ACSM6: variants seen among roughly 807,000 people sequenced by gnomAD.
ACSM6 encodes the protein acyl-CoA synthetase medium chain family member 6, also known as acyl-coenzyme A synthetase ACSM6, mitochondrial.
ACSM6 carries 35 observed loss-of-function variants against 51.1 expected under a neutral mutation model. That is an observed-to-expected ratio of 0.69 (90% confidence interval 0.52 to 0.91). The LOEUF (loss-of-function observed/expected upper bound fraction) is 0.91. Among genes scored for constraint, ACSM6 ranks in the 40% least tolerant of loss-of-function variants. ACSM6 has a pLI of 0.00. For missense variants in ACSM6, 509 were observed against 584.1 expected, an observed-to-expected ratio of 0.87 and a Z score of 1.32; for synonymous variants, 172 against 207.3, an observed-to-expected ratio of 0.83 and a Z score of 1.46.
chr10:95,194,722 G>A (rs592055), intron 2 of ACSM6, 45 bp downstream of exon 2: 796,852 of 1,494,832 alleles, frequency 0.53, 219,916 homozygotes, highest in Middle Eastern at 0.63. Context: ...GCCAAGGCCA[G>A]TTGGTAAAGC....
In ACSM6 at chr10:95,209,938, A is replaced by G. The variant is rs909602684; in HGVS notation, c.612-712A>G. Among the ~76,000 whole-genome samples the G allele has an allele frequency of 2.0e-5, 3 of 152,166 alleles. No homozygotes were observed. The South Asian group carries it at 6.2e-4, about 31-fold the overall frequency. ...ACTGGGCTGACAGGTAAGGTGAGTC[A>G]TGCAAGTGCCTATCTGGATTATAGG... is the stretch of plus-strand genomic sequence containing the variant. On this transcript the variant is annotated intron_variant, in intron 4 of 10. Transcript: ENST00000341686.
chr10:95,202,265 T>C (rs2034802305), intron 3 of ACSM6, 70 bp downstream of exon 3: 1 of 1,315,256 alleles, frequency 7.6e-7, no homozygotes. Flanking sequence ...ATTCACAGAA[T>C]GGAGATGTTA....
chr10:95,225,484 T>A, intron 10 of ACSM6, 93 bp downstream of exon 10: 1 of 941,366 alleles, frequency 1.1e-6, no homozygotes, highest in Non-Finnish European at 1.5e-6. Flanking sequence ...GCCAAATACT[T>A]TTGTCCCAAT....
intron 9 of ACSM6, among the ~76,000 whole-genome samples, chr10:95,223,989 T>C (rs748930474): frequency 2.6e-5 from 4 of 152,192 alleles, no homozygotes; most frequent in Non-Finnish European, 5.9e-5. Flanking sequence ...TTATTAATAG[T>C]ATTTCTACAT....
At chr10:95,209,989 C>T (rs1188277492) in intron 4 of ACSM6, among the ~76,000 whole-genome samples, 2 of 152,056 alleles carry the variant, frequency 1.3e-5, no homozygotes, top group East Asian at 1.9e-4. Flanking sequence ...ATCTTGAAGC[C>T]GGCCTGAATC....
intron 3 of ACSM6, among the ~76,000 whole-genome samples, chr10:95,204,953 A>G (rs1455349380): frequency 6.6e-6 from 1 of 152,186 alleles, no homozygotes; most frequent in Non-Finnish European, 1.5e-5. Flanking sequence ...TCCCTTCTCC[A>G]TATATGTGAG....
intron 3 of ACSM6, 141 bp from the exon 4 acceptor site, chr10:95,207,067 C>T (rs1278845940): frequency 4.2e-6 from 3 of 718,460 alleles, no homozygotes; most frequent in Non-Finnish European, 4.6e-6. Flanking sequence ...CAGTCGCCAT[C>T]GTGTTACTGA....
intron 3 of ACSM6, among the ~76,000 whole-genome samples, chr10:95,202,818 T>C (rs1166558613): frequency 1.3e-5 from 2 of 151,528 alleles, no homozygotes; most frequent in Non-Finnish European, 2.9e-5. Flanking sequence ...CACACACCTG[T>C]AGTCCAGCTA....
At chr10:95,211,159 T>C (rs911363386) in intron 5 of ACSM6, among the ~76,000 whole-genome samples, 16 of 152,324 alleles carry the variant, frequency 1.1e-4, no homozygotes, top group African/African-American at 3.1e-4. Context: ...AGAGTCATAA[T>C]TGATAAGGGG....
rs977351241 is a variant in ACSM6 at position 95,215,029 on chromosome 10, G to A, written c.1119+54G>A. 9.1e-6 allele frequency: 14 copies of A among 1,543,416 alleles called. No individual in the cohort carries two copies. The African/African-American group carries it at 1.2e-4, about 14-fold the overall frequency. ...CAGAAACCAAACTTGCCCATTCACT[G>A]TGTAAGCACACTGTCAAAGCACTAA... On this transcript the variant is annotated intron_variant, in intron 8 of 10. Transcript: ENST00000341686.
In ACSM6 at chr10:95,224,007, A is replaced by G. The variant is rs117236060; in HGVS notation, c.1201-1283A>G. Among the ~76,000 whole-genome samples the G allele has an allele frequency of 3.6e-3, 544 of 152,352 alleles. 5 individuals are homozygous for G. The highest frequency in any genetic ancestry group is 0.012 in the African/African-American group (495 of 41,584). On this transcript the variant is annotated intron_variant, in intron 9 of 10. Transcript: ENST00000341686. ...TTAATAGTATTTCTACATAGTATCAATAAACAATCAAAAAATAAAATTAAT... is the reference window on the plus strand; with the variant it reads ...TTAATAGTATTTCTACATAGTATCAGTAAACAATCAAAAAATAAAATTAAT...
chr10:95,224,724 A>T (rs2035023433), intron 9 of ACSM6, among the ~76,000 whole-genome samples: 1 of 152,192 alleles, frequency 6.6e-6, no homozygotes, highest in African/African-American at 2.4e-5. Flanking sequence ...TTCAAACTGT[A>T]TTTTATTTAT....
At position 95,227,582 on chromosome 10, in the gene ACSM6, A is replaced by C. The variant is rs186013569; in HGVS notation, c.1303-1062A>C. On this transcript the variant is annotated intron_variant, in intron 10 of 10. Transcript: ENST00000341686. ...ACTGAGACTTTAAAATCATGTTCTC[A>C]CCCATAAGACAGATTCCAAAGAAGA... Among the ~76,000 whole-genome samples the C allele has an allele frequency of 8.2e-4, 125 of 152,370 alleles. 1 individual carries two copies. The highest frequency in any genetic ancestry group is 2.7e-3 in the African/African-American group (114 of 41,592).
intron 4 of ACSM6, 30 bp downstream of exon 4, chr10:95,207,445 A>C: frequency 6.3e-7 from 1 of 1,591,974 alleles, no homozygotes; most frequent in Non-Finnish European, 8.6e-7. Context: ...GAGATGCTTA[A>C]ATGAAGGAAA....
chr10:95,211,743 TA>T, intron 5 of ACSM6, 134 bp from the exon 6 acceptor site: 1 of 941,384 alleles, frequency 1.1e-6, no homozygotes. Flanking sequence ...CATGACCTCA[TA>T]AATAGGCTTT....
At chr10:95,227,032 G>C (rs1022412210) in intron 10 of ACSM6, among the ~76,000 whole-genome samples, 4 of 150,584 alleles carry the variant, frequency 2.7e-5, no homozygotes, top group African/African-American at 7.3e-5. Flanking sequence ...AGTCACCCAG[G>C]CTGGAGTGCA....
At chr10:95,207,473 T>C in intron 4 of ACSM6, 58 bp downstream of exon 4, 1 of 1,535,328 alleles carries the variant, frequency 6.5e-7, no homozygotes, top group Non-Finnish European at 9.0e-7. Flanking sequence ...CTTTGAAAGA[T>C]GATGATATAT....
intron 9 of ACSM6, 24 bp from the exon 10 acceptor site, chr10:95,225,266 C>A: frequency 1.3e-6 from 2 of 1,492,210 alleles, no homozygotes; most frequent in Non-Finnish European, 1.8e-6. Flanking sequence ...AAGGAAAATT[C>A]CTTTAGTGAT....
chr10:95,228,073 TAAAAA>T, intron 10 of ACSM6, among the ~76,000 whole-genome samples: 1 of 140,858 alleles, frequency 7.1e-6, no homozygotes, highest in African/African-American at 2.6e-5. Context: ...CTGTTTCAAT[TAAAAA>T]AAAAAAAAGA....
Sources: allele counts gnomAD v4.1 joint callset (sites outside exome capture counted in the v4.1 genomes callset), GRCh38; gene constraint gnomAD v4.1.1; transcripts MANE v1.5; gene names NCBI Gene and HGNC (gene_info 2026-07-23, HGNC 2026-07-21).